NEIL2: variants seen among roughly 807,000 people sequenced by gnomAD.
The protein encoded by NEIL2 is endonuclease 8-like 2.
In NEIL2, 23 loss-of-function variants were observed where a neutral mutation model predicts 22.2. The observed-to-expected ratio is 1.04, with a 90% CI of 0.75 to 1.47. The LOEUF (loss-of-function observed/expected upper bound fraction) is 1.47, where lower values mean the gene tolerates loss of function less well. NEIL2 is among the 40% of genes most tolerant of loss of function. The pLI, the probability that NEIL2 is intolerant of heterozygous loss-of-function variation, is 0.00. For synonymous variants in NEIL2, 229 were observed against 164.8 expected (o/e 1.39, Z -2.99); for missense variants, 583 against 404.7 (o/e 1.44, Z -3.78).
chr8:11,770,012 T>C lies in NEIL2; in HGVS notation c.-326T>C, dbSNP rs1803291015. ...AAGCAGTGGTCTTAGACCCCCCACC[T>C]CGGGCACTCGGAAGAGAACGGCGGA... On this transcript the variant is annotated 5_prime_UTR_variant, in exon 1 of 5. Transcript: ENST00000284503. 6.6e-6 allele frequency: 1 copy of C among 151,988 alleles called. No homozygotes were observed. The highest frequency in any genetic ancestry group is 2.4e-5 in the African/African-American group (1 of 41,354). 9.4% of individuals were successfully genotyped at this position (151,988 alleles called of 1,614,324 possible).
At chr8:11,785,845 C>A in intron 4 of NEIL2, 118 bp from the exon 5 acceptor site, 1 of 906,132 alleles carries the variant, frequency 1.1e-6, no homozygotes, top group South Asian at 1.3e-5. Context: ...AGATCGCAGA[C>A]CCGTCTAGGG....
intron 4 of NEIL2, among the ~76,000 whole-genome samples, chr8:11,784,117 C>T (rs1804688220): frequency 6.6e-6 from 1 of 152,218 alleles, no homozygotes; most frequent in African/African-American, 2.4e-5. Flanking sequence ...GTGACAGAGT[C>T]ATCTCCATAT....
At chr8:11,779,483 G>C in intron 2 of NEIL2, 115 bp from the exon 3 acceptor site, 2 of 877,590 alleles carry the variant, frequency 2.3e-6, no homozygotes, top group Admixed American at 3.5e-5. Flanking sequence ...ACTTCATTTG[G>C]GAAGGCCCCC....
At position 11,771,550 on chromosome 8, in the gene NEIL2, G is replaced by A. The variant is rs139439505; in HGVS notation, c.103G>A (p.Ala35Thr). 8.0e-4 allele frequency: 1,299 copies of A among 1,614,032 alleles called. 1 individual carries two copies. The highest frequency in any genetic ancestry group is 1.0e-3 in the Non-Finnish European group (1,182 of 1,179,996). The change falls in exon 2 of 5, where the codon GCC (alanine) becomes ACC (threonine). Residue 35 changes from alanine (A) to threonine (T), a missense_variant. Coordinates refer to ENST00000284503, the MANE Select transcript of NEIL2 (RefSeq NM_145043.4). The part of the protein sequence containing the change: ...TGGSSKKLQP[A>T]SLQSLWLQDT... ...GGGCAGCAGTAAGAAGCTACAGCCCGCCAGCCTGCAGTCTCTGTGGCTCCA... is the reference window on the plus strand; with the variant it reads ...GGGCAGCAGTAAGAAGCTACAGCCCACCAGCCTGCAGTCTCTGTGGCTCCA...
rs1478370023 is a variant in NEIL2 at position 11,770,113 on chromosome 8, G to A, written c.-225G>A. The A allele has an allele frequency of 1.3e-5, 2 of 152,178 alleles. No individual in the cohort carries two copies. Among genetic ancestry groups the A allele is most frequent in the Admixed American group, 6.5e-5 (1 of 15,286 alleles). 9.4% of individuals were successfully genotyped at this position (152,178 alleles called of 1,614,324 possible). A position where few individuals can be genotyped will look rare whatever the true frequency, so the allele number is the denominator to read the frequency against. ...GGTAGCCCCCGGGCAGGGAGGGCCG[G>A]AGGGTGGGCGCGGCATCTTCAGCGA... On this transcript the variant is annotated 5_prime_UTR_variant, in exon 1 of 5. Coordinates refer to ENST00000284503, the MANE Select transcript of NEIL2 (RefSeq NM_145043.4).
At chr8:11,775,982 G>T (rs1340845596) in intron 2 of NEIL2, among the ~76,000 whole-genome samples, 1 of 152,160 alleles carries the variant, frequency 6.6e-6, no homozygotes, top group Non-Finnish European at 1.5e-5. Flanking sequence ...CTGTTACCCA[G>T]TTCCAAAGTT....
chr8:11,780,539 C>T (rs764203419), intron 3 of NEIL2, among the ~76,000 whole-genome samples: 5 of 152,096 alleles, frequency 3.3e-5, no homozygotes, highest in East Asian at 1.9e-4. Context: ...GCCACCACAC[C>T]GGCTAACTTT....
At chr8:11,772,285 T>A (rs1324404160) in intron 2 of NEIL2, among the ~76,000 whole-genome samples, 3 of 152,138 alleles carry the variant, frequency 2.0e-5, no homozygotes, top group African/African-American at 7.2e-5. Flanking sequence ...GAGCTCCCTG[T>A]TTTCTCACCA....
chr8:11,772,820 T>C (rs779105366), intron 2 of NEIL2, among the ~76,000 whole-genome samples: 4 of 152,204 alleles, frequency 2.6e-5, no homozygotes, highest in Non-Finnish European at 5.9e-5. Flanking sequence ...GATAAGCCAT[T>C]GACCTCTTAA....
rs1226461981 is a variant in NEIL2 at position 11,786,212 on chromosome 8, G to C, written c.938G>C (p.Trp313Ser). The change falls in exon 5 of 5, where the codon TGG becomes TCG. Residue 313 changes from tryptophan to serine, a missense_variant. Physicochemically the swap from Trp to Ser is radical, Grantham distance 177. Coordinates refer to ENST00000284503, the MANE Select transcript of NEIL2 (RefSeq NM_145043.4). ...GPEDGLQRLT[W>S]WCPQCQPQLS... ...GAAGATGGGTTACAGAGGCTCACCT[G>C]GTGGTGCCCGCAGTGCCAGCCCCAG... 9.3e-6 allele frequency: 15 copies of C among 1,613,346 alleles called. No homozygotes were observed. The highest frequency in any genetic ancestry group is 1.3e-5 in the Non-Finnish European group (15 of 1,180,032).
In NEIL2 at chr8:11,783,804, G is replaced by A. The variant is rs8191648; in HGVS notation, c.688+405G>A. On this transcript the variant is annotated intron_variant, in intron 4 of 4. Transcript: ENST00000284503. ...AGGCTGCTAACAGAGCAGTGAGCGC[G>A]TGTTCTAAGGGATGCTGCTCTTGGG... 2.1e-3 allele frequency among the ~76,000 whole-genome samples: 320 copies of A among 152,304 alleles called. 2 individuals are homozygous for A. Among genetic ancestry groups the A allele is most frequent in the Admixed American group, 0.015 (223 of 15,308 alleles).
chr8:11,780,157 A>C (rs558610885), intron 3 of NEIL2, among the ~76,000 whole-genome samples: 34 of 152,136 alleles, frequency 2.2e-4, no homozygotes, highest in Middle Eastern at 3.4e-3. Context: ...TTGTGCACCA[A>C]GAGGTGGCTG....
chr8:11,780,403 G>A (rs1804304999), intron 3 of NEIL2, among the ~76,000 whole-genome samples: 2 of 152,020 alleles, frequency 1.3e-5, no homozygotes, highest in East Asian at 3.9e-4. Flanking sequence ...GTTTTGAGAC[G>A]GAGTCTTGCT....
At chr8:11,782,766 A>G (rs1171504153) in intron 3 of NEIL2, 2 of 272,718 alleles carry the variant, frequency 7.3e-6, no homozygotes, top group East Asian at 1.0e-4. Context: ...TGCTCTGACT[A>G]CGTTGTGGTA....
chr8:11,781,842 T>G lies in NEIL2; in HGVS notation c.492-1361T>G, dbSNP rs549134460. On this transcript the variant is annotated intron_variant, in intron 3 of 4. Transcript: ENST00000284503. ...TGGGAGGCTGAGACAGGAGGATCAC[T>G]TGAGCCCAGGAGTAAGAGACTAGCC... Among the ~76,000 whole-genome samples the G allele has an allele frequency of 3.9e-5, 6 of 152,008 alleles. No individual in the cohort carries two copies. The South Asian group carries it at 1.2e-3, about 32-fold the overall frequency.
chr8:11,785,166 CT>C (rs1478834345), intron 4 of NEIL2, among the ~76,000 whole-genome samples: 3 of 151,732 alleles, frequency 2.0e-5, no homozygotes, highest in East Asian at 3.9e-4. Flanking sequence ...GCCACTGTGC[CT>C]AGCTATGCTT....
chr8:11,782,182 C>G (rs544975804), intron 3 of NEIL2, among the ~76,000 whole-genome samples: 1 of 152,114 alleles, frequency 6.6e-6, no homozygotes, highest in African/African-American at 2.4e-5. Context: ...CAGCACTTTA[C>G]GAGGCCGAGG....
rs1259186405 is a variant in NEIL2 at position 11,779,933 on chromosome 8, G to C, written c.474G>C (p.Trp158Cys). Residue 158 changes from tryptophan to cysteine, a missense_variant, in exon 3 of 5, where the codon TGG becomes TGC. Physicochemically the swap from Trp to Cys is radical, Grantham distance 215. Transcript: ENST00000284503. Reference sequence around the variant, plus strand: ...AGAAAGCCAACAAGAGGGGGGACTGGAGGGACCCTTCCCCGAGGTAATGGT... The same window carrying C: ...AGAAAGCCAACAAGAGGGGGGACTGCAGGGACCCTTCCCCGAGGTAATGGT... ...RAKKANKRGD[W>C]RDPSPRLVLH... 6.2e-7 allele frequency: 1 copy of C among 1,613,674 alleles called. No homozygotes were observed. Among genetic ancestry groups the C allele is most frequent in the East Asian group, 2.2e-5 (1 of 44,874 alleles).
At position 11,786,940 on chromosome 8, in the gene NEIL2, A is replaced by G. The variant is rs1252030785; in HGVS notation, c.*667A>G. 2 of 152,676 alleles carry G rather than the reference A, an allele frequency of 1.3e-5. No homozygotes were observed. Among genetic ancestry groups the G allele is most frequent in the Non-Finnish European group, 2.9e-5 (2 of 68,460 alleles). 9.5% of individuals were successfully genotyped at this position (152,676 alleles called of 1,614,324 possible). A position where few individuals can be genotyped will look rare whatever the true frequency, so the allele number is the denominator to read the frequency against. ...CGGGTGTGAGCCACCGCGCCCAGCT[A>G]GCTCCTGTGTTTTGTTTTTGTTTTG... On this transcript the variant is annotated 3_prime_UTR_variant, in exon 5 of 5. Transcript: ENST00000284503.
Sources: gnomAD v4.1 joint callset for allele counts (sites outside exome capture counted in the v4.1 genomes callset) on GRCh38, gnomAD v4.1.1 for gene constraint, MANE v1.5 for transcripts, NCBI Gene and HGNC (gene_info 2026-07-23, HGNC 2026-07-21) for gene names.